SRSF5: variants seen among roughly 807,000 people sequenced by gnomAD.
SRSF5 encodes the protein serine/arginine-rich splicing factor 5.
Under a neutral mutation model 34.0 loss-of-function variants are expected in SRSF5, and 5 were observed. The observed-to-expected ratio is 0.15, with a 90% CI of 0.08 to 0.31. The LOEUF (loss-of-function observed/expected upper bound fraction) is 0.31, where lower values mean the gene tolerates loss of function less well. SRSF5 is among the 10% of genes least tolerant of loss of function. SRSF5 has a pLI of 1.00. For missense variants in SRSF5, 223 were observed against 351.4 expected, an observed-to-expected ratio of 0.63 and a Z score of 2.92; for synonymous variants, 164 against 117.7, an observed-to-expected ratio of 1.39 and a Z score of -2.55.
rs979313998 is a variant in SRSF5 at position 69,767,307 on chromosome 14, G to A, written c.-20+52G>A. 1.1e-5 allele frequency: 5 copies of A among 434,916 alleles called. No homozygotes were observed. The Admixed American group carries it at 1.4e-4, about 12-fold the overall frequency. 26.9% of individuals were successfully genotyped at this position (434,916 alleles called of 1,614,324 possible). A position where few individuals can be genotyped will look rare whatever the true frequency, so the allele number is the denominator to read the frequency against. Reference sequence around the variant, plus strand: ...CTTCTCGGATCGAGGCTTCTTCATGGCCGCTCAGATCGTGAGCGGCCGGGG... The same window carrying A: ...CTTCTCGGATCGAGGCTTCTTCATGACCGCTCAGATCGTGAGCGGCCGGGG... On this transcript the variant is annotated intron_variant, in intron 1 of 7. Transcript: ENST00000557154.
At chr14:69,770,402 T>C in intron 5 of SRSF5, 65 bp from the exon 6 acceptor site, 1 of 1,581,156 alleles carries the variant, frequency 6.3e-7, no homozygotes, top group Non-Finnish European at 8.6e-7. Flanking sequence ...GTTTTTTTTA[T>C]ATCATGTGAT....
At chr14:69,769,155 A>T (rs74061422) in intron 4 of SRSF5, 27 bp from the exon 5 acceptor site, 1 of 1,613,078 alleles carries the variant, frequency 6.2e-7, no homozygotes, top group Non-Finnish European at 8.5e-7. Flanking sequence ...CATTTCTTCC[A>T]TTGTGAATAC....
At chr14:69,767,462 T>G in intron 1 of SRSF5, 1 of 455,884 alleles carries the variant, frequency 2.2e-6, no homozygotes, top group Admixed American at 2.3e-5. Flanking sequence ...TCGGGTCGTT[T>G]TTACACAGCG....
intron 5 of SRSF5, 124 bp from the exon 6 acceptor site, chr14:69,770,343 T>C: frequency 1.4e-6 from 2 of 1,461,876 alleles, no homozygotes; most frequent in African/African-American, 1.4e-5. Context: ...ACAAGTGTGG[T>C]AAATGCCATG....
chr14:69,770,068 A>C, intron 5 of SRSF5: 11 of 1,025,916 alleles, frequency 1.1e-5, no homozygotes, highest in Non-Finnish European at 1.3e-5. Flanking sequence ...TTAATGACAT[A>C]TGGGGCACAA....
intron 5 of SRSF5, chr14:69,769,587 G>T: frequency 6.5e-7 from 1 of 1,535,322 alleles, no homozygotes; most frequent in Non-Finnish European, 8.7e-7. Context: ...CTCTTGGTTG[G>T]GCCTGGTTGA....
At position 69,768,785 on chromosome 14, in the gene SRSF5, T is replaced by C; in HGVS notation, c.198-13T>C. 6.2e-7 allele frequency: 1 copy of C among 1,613,850 alleles called. No individual in the cohort carries two copies. The highest frequency in any genetic ancestry group is 8.5e-7 in the Non-Finnish European group (1 of 1,179,770). On this transcript the variant is annotated splice_polypyrimidine_tract_variant and intron_variant, in intron 3 of 7. Coordinates refer to ENST00000557154, the MANE Select transcript of SRSF5 (RefSeq NM_001320214.2). Reference sequence around the variant, plus strand: ...TTAAGTGTGTAACGGAGATTTTTCTTCCCTTTTTGTAGGGTTACTATTGAA... The same window carrying C: ...TTAAGTGTGTAACGGAGATTTTTCTCCCCTTTTTGTAGGGTTACTATTGAA...
chr14:69,768,369 A>G (rs552139022), intron 2 of SRSF5, 87 bp downstream of exon 2: 2 of 1,556,238 alleles, frequency 1.3e-6, no homozygotes, highest in South Asian at 2.3e-5. Flanking sequence ...CGGGTGGAAT[A>G]TTTGCCTTCA....
At chr14:69,769,867 A>C (rs761621968) in intron 5 of SRSF5, 94 of 1,224,486 alleles carry the variant, frequency 7.7e-5, no homozygotes, top group Non-Finnish European at 8.5e-5. Context: ...CGAGTAGAAC[A>C]TGTCTGCATC....
At position 69,768,183 on chromosome 14, in the gene SRSF5, G is replaced by A; in HGVS notation, c.27G>A (p.Gly9=). The A allele has an allele frequency of 6.2e-7, 1 of 1,614,214 alleles. No homozygotes were observed. The highest frequency in any genetic ancestry group is 8.5e-7 in the Non-Finnish European group (1 of 1,180,038). The change falls in exon 2 of 8, where the codon GGG becomes GGA. Residue 9 remains glycine, a synonymous_variant. Transcript: ENST00000557154. Reference sequence around the variant, plus strand: ...TGAGTGGCTGTCGGGTATTCATCGGGAGACTAAATCCAGCGGCCAGGGAGA... The same window carrying A: ...TGAGTGGCTGTCGGGTATTCATCGGAAGACTAAATCCAGCGGCCAGGGAGA... MSGCRVFI[G]RLNPAAREKD...
chr14:69,770,910 TAGA>T (rs1883125429), intron 6 of SRSF5, 82 bp from the exon 7 acceptor site: 1 of 1,207,148 alleles, frequency 8.3e-7, no homozygotes, highest in African/African-American at 1.5e-5. Context: ...AAAGTGAACA[TAGA>T]AACGACTTAC....
intron 5 of SRSF5, chr14:69,770,179 TTG>T (rs1269008916): frequency 1.8e-6 from 2 of 1,106,944 alleles, no homozygotes; most frequent in East Asian, 1.1e-4. Context: ...TGTTGTTTTT[TTG>T]TTTGTTTTTT....
At position 69,771,646 on chromosome 14, in the gene SRSF5, T is replaced by C. The variant is rs1000041250; in HGVS notation, c.*185T>C. The C allele has an allele frequency of 7.6e-6, 5 of 660,592 alleles. No individual in the cohort carries two copies. The highest frequency in any genetic ancestry group is 3.1e-5 in the Admixed American group (1 of 31,872). The allele number at this position is 660,592 out of a possible 1,614,324, so 40.9% of individuals were successfully genotyped here. A position where few individuals can be genotyped will look rare whatever the true frequency, so the allele number is the denominator to read the frequency against. ...CCACCAAGGGGTTGTTGAAAACTAA[T>C]TGTATTAAATGTCTTTTGATAAGCC... On this transcript the variant is annotated 3_prime_UTR_variant, in exon 8 of 8. Transcript: ENST00000557154.
intron 5 of SRSF5, chr14:69,770,091 C>G: frequency 3.9e-6 from 4 of 1,027,464 alleles, no homozygotes; most frequent in Non-Finnish European, 4.7e-6. Context: ...TAACTGGTGT[C>G]TTGTAAATGT....
In SRSF5 at chr14:69,771,772, AAAT is replaced by A. The variant is rs1374951830; in HGVS notation, c.*312_*314del. On this transcript the variant is annotated 3_prime_UTR_variant, in exon 8 of 8. Coordinates refer to ENST00000557154, the MANE Select transcript of SRSF5 (RefSeq NM_001320214.2). The stretch of plus-strand genomic sequence containing the variant: ...AATTTAATTTTTTTGTACTAGAAAA[AAAT>A]TTGAACATTTTAGTTCTTGGTTATA... The A allele has an allele frequency of 4.0e-6, 1 of 246,978 alleles. No homozygotes were observed. Among genetic ancestry groups the A allele is most frequent in the Non-Finnish European group, 7.8e-6 (1 of 128,478 alleles). 15.3% of individuals were successfully genotyped at this position (246,978 alleles called of 1,614,324 possible). A position where few individuals can be genotyped will look rare whatever the true frequency, so the allele number is the denominator to read the frequency against.
chr14:69,769,044 A>G (rs1043502526), intron 4 of SRSF5, 138 bp from the exon 5 acceptor site: 19 of 1,286,408 alleles, frequency 1.5e-5, no homozygotes, highest in South Asian at 6.2e-5. Flanking sequence ...ATGAATCTAT[A>G]TGAGTCATAG....
At chr14:69,770,280 C>T in intron 5 of SRSF5, 187 bp from the exon 6 acceptor site, 2 of 1,382,764 alleles carry the variant, frequency 1.4e-6, no homozygotes, top group Admixed American at 3.4e-5. Context: ...AAGCAATATG[C>T]TATTTGCTTA....
Position 69,771,529 on chromosome 14 carries a change from C to G in SRSF5, c.*68C>G. The G allele has an allele frequency of 6.6e-7, 1 of 1,524,062 alleles. No homozygotes were observed. Among genetic ancestry groups the G allele is most frequent in the Non-Finnish European group, 8.8e-7 (1 of 1,131,198 alleles). 94.4% of individuals were successfully genotyped at this position (1,524,062 alleles called of 1,614,324 possible). On this transcript the variant is annotated 3_prime_UTR_variant, in exon 8 of 8. Coordinates refer to ENST00000557154, the MANE Select transcript of SRSF5 (RefSeq NM_001320214.2). ...AAACCACAAAAATTCCCAAACCATACTTGCTAAAAATTCTGGTAAGTATGT... is the reference window on the plus strand; with the variant it reads ...AAACCACAAAAATTCCCAAACCATAGTTGCTAAAAATTCTGGTAAGTATGT...
At chr14:69,767,709 C>A (rs1049698557) in intron 1 of SRSF5, 1 of 361,760 alleles carries the variant, frequency 2.8e-6, no homozygotes, top group South Asian at 2.0e-5. Flanking sequence ...CCGCCCGCTG[C>A]TGTTGGCGCA....
Sources: gnomAD v4.1 joint callset for allele counts on GRCh38, gnomAD v4.1.1 for gene constraint, MANE v1.5 for transcripts, NCBI Gene and HGNC (gene_info 2026-07-23, HGNC 2026-07-21) for gene names.